Variants in JMJD6 observed in about 807,000 individuals in gnomAD.
JMJD6 encodes the protein jumonji domain containing 6, arginine demethylase and lysine hydroxylase, also known as bifunctional arginine demethylase and lysyl-hydroxylase JMJD6.
Under a neutral mutation model 45.8 loss-of-function variants are expected in JMJD6, and 17 were observed. The ratio of observed to expected loss-of-function variants is 0.37; its 90% CI spans 0.25 to 0.56. The LOEUF is 0.56. Among genes scored for constraint, JMJD6 ranks in the 20% least tolerant of loss-of-function variants. The pLI is 0.79. For missense variants in JMJD6, 470 were observed against 517.5 expected (o/e 0.91, Z 0.89); for synonymous variants, 221 against 196.3 (o/e 1.13, Z -1.05).
intron 4 of JMJD6, 83 bp from the exon 5 acceptor site, chr17:76,720,581 T>C: frequency 7.1e-7 from 1 of 1,399,100 alleles, no homozygotes; most frequent in Non-Finnish European, 1.0e-6. Context: ...GGCCTGTGTC[T>C]CTCAGAAACA....
At chr17:76,723,529 C>G (rs1209718550) in intron 3 of JMJD6, among the ~76,000 whole-genome samples, 1 of 151,588 alleles carries the variant, frequency 6.6e-6, no homozygotes, top group Admixed American at 6.6e-5. Flanking sequence ...CAACCTTCGC[C>G]ACCTGGGTTC....
At chr17:76,725,309 G>A (rs1210097958) in intron 2 of JMJD6, among the ~76,000 whole-genome samples, 158 bp downstream of exon 2, 1 of 151,306 alleles carries the variant, frequency 6.6e-6, no homozygotes, top group East Asian at 1.9e-4. Flanking sequence ...AGGAGGCTGA[G>A]GCAGGAGAAG....
downstream of JMJD6, among the ~76,000 whole-genome samples, chr17:76,717,127 C>T (rs1304745619): frequency 6.6e-6 from 1 of 152,150 alleles, no homozygotes; most frequent in Non-Finnish European, 1.5e-5. Flanking sequence ...GACTGAGCTG[C>T]TGGGAGAGAA....
Position 76,720,411 on chromosome 17 carries a change from G to A in JMJD6, c.1029C>T (p.Ser343=). ...QESTGIASDS[S]SDSSSSSSSS... ...AGCTGGAGGAGCTGGAAGAGTCGCTGGAGCTGTCGGAAGCTATCCCTGTGG... is the reference window on the plus strand; with the variant it reads ...AGCTGGAGGAGCTGGAAGAGTCGCTAGAGCTGTCGGAAGCTATCCCTGTGG... The change falls in exon 5 of 6, where the codon TCC becomes TCT. Residue 343 remains serine, a synonymous_variant. Coordinates refer to ENST00000397625, the MANE Select transcript of JMJD6 (RefSeq NM_015167.3). 6.2e-7 allele frequency: 1 copy of A among 1,614,110 alleles called. No individual in the cohort carries two copies. Among genetic ancestry groups the A allele is most frequent in the South Asian group, 1.1e-5 (1 of 91,082 alleles).
At chr17:76,725,276 C>T (rs1440072615) in intron 2 of JMJD6, among the ~76,000 whole-genome samples, 191 bp downstream of exon 2, 1 of 151,798 alleles carries the variant, frequency 6.6e-6, no homozygotes, top group African/African-American at 2.4e-5. Context: ...GGTGTGGTGG[C>T]GCATGCCTGT....
Position 76,725,753 on chromosome 17 carries a change from C to T in JMJD6, c.232G>A (p.Gly78Ser), listed in dbSNP as rs756408979. 1.9e-6 allele frequency: 3 copies of T among 1,614,136 alleles called. No homozygotes were observed. Among genetic ancestry groups the T allele is most frequent in the Non-Finnish European group, 1.7e-6 (2 of 1,180,026 alleles). Reference sequence around the variant, plus strand: ...GTCCATTTCTCCTGCGCAGACCAGCCCTCTTGCGCATTCAACAAAACCACG... The same window carrying T: ...GTCCATTTCTCCTGCGCAGACCAGCTCTCTTGCGCATTCAACAAAACCACG... ...KPVVLLNAQE[G>S]WSAQEKWTLE... The change falls in exon 2 of 6, where the codon GGC (glycine) becomes AGC (serine). Residue 78 changes from glycine to serine, a missense_variant. Physicochemically the swap from Gly to Ser is moderately conservative, Grantham distance 56. This residue lies in a region of JMJD6 where 346 missense variants were observed against 339.5 expected (regional missense o/e 1.02). Transcript: ENST00000397625.
intron 4 of JMJD6, 80 bp downstream of exon 4, chr17:76,721,718 C>T (rs1935419160): frequency 6.9e-7 from 1 of 1,452,634 alleles, no homozygotes; most frequent in Non-Finnish European, 9.6e-7. Flanking sequence ...CAGCACACAT[C>T]ATCGCAGCAG....
chr17:76,718,393 TGAG>T (rs1010871158), downstream of JMJD6: 5 of 1,189,104 alleles, frequency 4.2e-6, no homozygotes, highest in Admixed American at 4.0e-5. Flanking sequence ...AAGACCACCA[TGAG>T]GAGAAGAGCA....
At chr17:76,718,415 AT>A, downstream of JMJD6, 1 of 1,266,922 alleles carries the variant, frequency 7.9e-7, no homozygotes, top group Non-Finnish European at 1.0e-6. Flanking sequence ...CAATAAGGGA[AT>A]GTTCTGGTAT....
At chr17:76,724,125 A>G (rs568581844) in intron 2 of JMJD6, 67 bp from the exon 3 acceptor site, 2 of 1,533,630 alleles carry the variant, frequency 1.3e-6, no homozygotes, top group Admixed American at 1.9e-5. Flanking sequence ...CAAAACAATA[A>G]GTTTTTAGTT....
exon 7 of JMJD6, chr17:76,712,915 T>G (rs1263378228): frequency 6.6e-6 from 1 of 152,158 alleles, no homozygotes; most frequent in Non-Finnish European, 1.5e-5. Flanking sequence ...CAATAGCAGA[T>G]CCACAGGCTT....
At chr17:76,714,720 T>C (rs2076752468), downstream of JMJD6, 1 of 152,250 alleles carries the variant, frequency 6.6e-6, no homozygotes, top group South Asian at 2.1e-4. Context: ...GCCTATCAGA[T>C]ATGTTATTCC....
chr17:76,713,808 TAAGTA>T, downstream of JMJD6: 1 of 152,362 alleles, frequency 6.6e-6, no homozygotes, highest in East Asian at 1.9e-4. Context: ...GTTACTACCT[TAAGTA>T]TACATTGGTG....
intron 2 of JMJD6, 146 bp downstream of exon 2, chr17:76,725,321 G>A (rs972635211): frequency 1.4e-5 from 10 of 715,266 alleles, no homozygotes; most frequent in Non-Finnish European, 2.2e-5. Flanking sequence ...CAGGAGAAGC[G>A]CTTGAACTCG....
At chr17:76,719,603 A>G (rs1467236464) in intron 5 of JMJD6, among the ~76,000 whole-genome samples, 1 of 152,182 alleles carries the variant, frequency 6.6e-6, no homozygotes, top group Non-Finnish European at 1.5e-5. Context: ...TAGAAATTTC[A>G]TCTGTTAAAG....
chr17:76,726,094 G>C (rs978521785), intron 1 of JMJD6, among the ~76,000 whole-genome samples: 1 of 152,180 alleles, frequency 6.6e-6, no homozygotes, highest in Non-Finnish European at 1.5e-5. Flanking sequence ...CAGGGACGAC[G>C]GGCCTTCTAG....
intron 3 of JMJD6, among the ~76,000 whole-genome samples, chr17:76,722,572 G>T (rs1324617953): frequency 6.6e-6 from 1 of 152,080 alleles, no homozygotes; most frequent in East Asian, 1.9e-4. Flanking sequence ...CTGGCCGGGG[G>T]TGGTGGCTCA....
downstream of JMJD6, chr17:76,715,187 CTT>C (rs2076755469): frequency 6.6e-6 from 1 of 152,188 alleles, no homozygotes; most frequent in Non-Finnish European, 1.5e-5. Flanking sequence ...CAAGAAAAGT[CTT>C]TTTAAAAAGC....
Position 76,726,356 on chromosome 17 carries a change from C to G in JMJD6, c.120G>C (p.Ala40=). The part of the protein sequence containing the change: ...NYYESFSLSP[A]AVADNVERAD... ...CGCCCGACCCGCTCACCGCCACGGC[C>G]GCCGGGCTCAGCGAGAAGCTCTCGT... Residue 40 remains alanine, a synonymous_variant, in exon 1 of 6, where the codon GCG becomes GCC. Transcript: ENST00000397625. 3 of 1,587,446 alleles carry G rather than the reference C, an allele frequency of 1.9e-6. No individual in the cohort carries two copies. The Admixed American group carries it at 5.2e-5, about 28-fold the overall frequency.
Sources: gnomAD v4.1 joint callset for allele counts (sites outside exome capture counted in the v4.1 genomes callset) on GRCh38, gnomAD v4.1.1 for gene constraint, gnomAD v4.1.1 regional missense constraint, MANE v1.5 for transcripts, NCBI Gene and HGNC (gene_info 2026-07-23, HGNC 2026-07-21) for gene names.